Variants in PEX5L observed in about 807,000 individuals in gnomAD.
PEX5L encodes the protein PEX5-related protein.
A neutral mutation model predicts 84.0 loss-of-function variants in PEX5L; 30 were observed. The observed-to-expected ratio is 0.36, with a 90% CI of 0.27 to 0.48. The LOEUF (loss-of-function observed/expected upper bound fraction) is 0.48, where lower values mean the gene tolerates loss of function less well. Among genes scored for constraint, PEX5L ranks in the 20% least tolerant of loss-of-function variants. PEX5L has a pLI of 0.99. For synonymous variants in PEX5L, 270 were observed against 283.1 expected, an observed-to-expected ratio of 0.95 and a Z score of 0.46; for missense variants, 533 against 754.6, an observed-to-expected ratio of 0.71 and a Z score of 3.44.
chr3:179,820,747 T>C (rs1383535277), intron 8 of PEX5L, among the ~76,000 whole-genome samples: 1 of 152,264 alleles, frequency 6.6e-6, no homozygotes, highest in Non-Finnish European at 1.5e-5. Context: ...AAGAAGATTT[T>C]TGCTGCAAGA....
chr3:179,915,823 T>C (rs1468598887), intron 2 of PEX5L, among the ~76,000 whole-genome samples: 1 of 152,172 alleles, frequency 6.6e-6, no homozygotes, highest in Non-Finnish European at 1.5e-5. Context: ...TACTCAGAAC[T>C]GCAAACTTAT....
At chr3:179,866,346 C>T (rs372854416) in intron 7 of PEX5L, among the ~76,000 whole-genome samples, 24 of 152,230 alleles carry the variant, frequency 1.6e-4, no homozygotes, top group Middle Eastern at 3.4e-3. Flanking sequence ...CAGAATAACA[C>T]GGTCATTGAA....
chr3:180,007,339 C>T (rs1253276648), intron 1 of PEX5L, among the ~76,000 whole-genome samples: 1 of 152,210 alleles, frequency 6.6e-6, no homozygotes, highest in African/African-American at 2.4e-5. Context: ...TGGGCAGCTC[C>T]ACCCCTGTGG....
At chr3:179,858,991 CT>C (rs1383272484) in intron 8 of PEX5L, 70 bp downstream of exon 8, 1 of 916,876 alleles carries the variant, frequency 1.1e-6, no homozygotes, top group East Asian at 2.4e-5. Context: ...TTCTATCTTG[CT>C]GAAGTTTGAT....
At chr3:179,972,518 A>G (rs1785026673) in intron 1 of PEX5L, among the ~76,000 whole-genome samples, 11 of 152,194 alleles carry the variant, frequency 7.2e-5, no homozygotes, top group Admixed American at 7.2e-4. Flanking sequence ...ACCAGCAACA[A>G]ATGAAAAATA....
chr3:179,914,425 T>C (rs1766293481), intron 2 of PEX5L, among the ~76,000 whole-genome samples: 1 of 152,248 alleles, frequency 6.6e-6, no homozygotes, highest in Non-Finnish European at 1.5e-5. Context: ...CTTTACTTGG[T>C]GAATTCCATG....
In PEX5L at chr3:179,796,298, C is replaced by T. The variant is rs1716928250; in HGVS notation, c.*5530G>A. 1 of 152,076 alleles carries T rather than the reference C, an allele frequency of 6.6e-6. No homozygotes were observed. The highest frequency in any genetic ancestry group is 1.5e-5 in the Non-Finnish European group (1 of 68,028). 9.4% of individuals were successfully genotyped at this position (152,076 alleles called of 1,614,324 possible). On this transcript the variant is annotated 3_prime_UTR_variant, in exon 15 of 15. Coordinates refer to ENST00000467460, the MANE Select transcript of PEX5L (RefSeq NM_016559.3). ...GAGTGCAGGCTTCTATTAAGTATCC[C>T]ACGGAGCTCATCAGGGTTTTGCTCT...
intron 8 of PEX5L, among the ~76,000 whole-genome samples, chr3:179,849,017 T>A (rs945630029): frequency 2.6e-5 from 4 of 152,182 alleles, no homozygotes; most frequent in African/African-American, 4.8e-5. Flanking sequence ...GGACCCTGGA[T>A]AATGGCATGG....
At position 179,847,613 on chromosome 3, in the gene PEX5L, T is replaced by C. The variant is rs77811108; in HGVS notation, c.822+11449A>G. 5.5e-3 allele frequency among the ~76,000 whole-genome samples: 845 copies of C among 152,374 alleles called. 8 individuals are homozygous for C. Among genetic ancestry groups the C allele is most frequent in the African/African-American group, 0.019 (798 of 41,584 alleles). On this transcript the variant is annotated intron_variant, in intron 8 of 14. Coordinates refer to ENST00000467460, the MANE Select transcript of PEX5L (RefSeq NM_016559.3). ...CTGAATGGTTGTGTATTTGATGTTC[T>C]ACATATTAAACCAATAAGCAGCTTA...
At chr3:179,951,237 T>G (rs749716166) in intron 2 of PEX5L, among the ~76,000 whole-genome samples, 2 of 152,232 alleles carry the variant, frequency 1.3e-5, no homozygotes, top group East Asian at 3.8e-4. Context: ...AAGACAATTA[T>G]TTTTGTCAGT....
At chr3:179,856,687 C>T (rs969411236) in intron 8 of PEX5L, among the ~76,000 whole-genome samples, 11 of 152,204 alleles carry the variant, frequency 7.2e-5, no homozygotes, top group Non-Finnish European at 1.2e-4. Flanking sequence ...TCCTTCCCCA[C>T]GCATTCACAC....
rs2108611602 is a variant in PEX5L, at chr3:179,797,736, A to C, written c.*4092T>G. The C allele has an allele frequency of 2.0e-5, 3 of 151,836 alleles. No individual in the cohort carries two copies. The highest frequency in any genetic ancestry group is 3.4e-3 in the Middle Eastern group (1 of 292). 9.4% of individuals were successfully genotyped at this position (151,836 alleles called of 1,614,324 possible). A position where few individuals can be genotyped will look rare whatever the true frequency, so the allele number is the denominator to read the frequency against. On this transcript the variant is annotated 3_prime_UTR_variant, in exon 15 of 15. Transcript: ENST00000467460. ...GTGGATACGAAATGAATTTGAAATT[A>C]TTTTACAAGGTTGAAATCATAAGTG...
At chr3:179,808,842 C>T (rs1288498301) in intron 12 of PEX5L, among the ~76,000 whole-genome samples, 1 of 151,962 alleles carries the variant, frequency 6.6e-6, no homozygotes, top group Non-Finnish European at 1.5e-5. Flanking sequence ...CTTTGGGAGG[C>T]CGAGGCGGGC....
chr3:179,977,537 T>C (rs1378926381), intron 1 of PEX5L, among the ~76,000 whole-genome samples: 1 of 152,110 alleles, frequency 6.6e-6, no homozygotes, highest in Non-Finnish European at 1.5e-5. Flanking sequence ...AGCCACAGAC[T>C]CATTTCTGTG....
chr3:179,797,605 A>AATATAT lies in PEX5L; in HGVS notation c.*4217_*4222dup, dbSNP rs568586727. ...AACACTCTTTAAAAAAAAAAAAAAA[A>AATATAT]ATATATATATATATATATATATATA... On this transcript the variant is annotated 3_prime_UTR_variant, in exon 15 of 15. Coordinates refer to ENST00000467460, the MANE Select transcript of PEX5L (RefSeq NM_016559.3). 2.0e-4 allele frequency: 18 copies of AATATAT among 89,156 alleles called. No individual in the cohort carries two copies. The highest frequency in any genetic ancestry group is 3.7e-4 in the East Asian group (1 of 2,712). 5.5% of individuals were successfully genotyped at this position (89,156 alleles called of 1,614,324 possible).
Position 179,871,680 on chromosome 3 carries a change from A to G in PEX5L, c.726+2647T>C, listed in dbSNP as rs79946611. ...GCAATTGTTCAAATCGTGTTCAAAT[A>G]AGGCAAATGCCAAGCTGTAACCAAT... On this transcript the variant is annotated intron_variant, in intron 7 of 14. Transcript: ENST00000467460. 9.0e-3 allele frequency among the ~76,000 whole-genome samples: 1,365 copies of G among 152,286 alleles called. 14 individuals carry two copies. Among genetic ancestry groups the G allele is most frequent in the Non-Finnish European group, 0.015 (1,020 of 68,010 alleles).
intron 10 of PEX5L, 38 bp from the exon 11 acceptor site, chr3:179,811,909 G>A: frequency 4.6e-6 from 7 of 1,514,998 alleles, no homozygotes; most frequent in Non-Finnish European, 6.4e-6. Flanking sequence ...GCAAGATGAA[G>A]CAGAATTACT....
At chr3:179,973,280 G>T in intron 1 of PEX5L, 1 of 1,288,104 alleles carries the variant, frequency 7.8e-7, no homozygotes, top group Non-Finnish European at 1.0e-6. Context: ...ACTGGCAGTG[G>T]CTTCCTTGCC....
chr3:179,883,573 C>T (rs557578568), intron 4 of PEX5L, among the ~76,000 whole-genome samples: 12 of 152,294 alleles, frequency 7.9e-5, no homozygotes, highest in South Asian at 2.1e-4. Context: ...CACCTGAGGT[C>T]GGGAGTTCAA....
Sources: allele counts gnomAD v4.1 joint callset (sites outside exome capture counted in the v4.1 genomes callset), GRCh38; gene constraint gnomAD v4.1.1; transcripts MANE v1.5; gene names NCBI Gene and HGNC (gene_info 2026-07-23, HGNC 2026-07-21).